The following ASPH variants were observed in gnomAD, a reference collection of about 807,000 sequenced individuals.
The protein encoded by ASPH is aspartate beta-hydroxylase.
Under a neutral mutation model 118.4 loss-of-function variants are expected in ASPH, and 100 were observed. The ratio of observed to expected loss-of-function variants is 0.84; its 90% CI spans 0.72 to 1.00. The LOEUF is 1.00. ASPH is among the 50% of genes least tolerant of loss of function. The probability of loss-of-function intolerance (pLI) is 0.00; values close to 1 mark genes in which losing one functional copy is unlikely to be tolerated. For synonymous variants in ASPH, 315 were observed against 325.6 expected (o/e 0.97, Z 0.35); for missense variants, 920 against 919.5 (o/e 1.00, Z -0.01).
chr8:61,646,997 G>T, intron 5 of ASPH, 119 bp from the exon 6 acceptor site: 2 of 1,319,176 alleles, frequency 1.5e-6, no homozygotes, highest in East Asian at 2.3e-5. Flanking sequence ...CCTTTCGGCC[G>T]CTGAAGACAC....
intron 24 of ASPH, among the ~76,000 whole-genome samples, chr8:61,510,598 C>T (rs1808457595): frequency 6.6e-6 from 1 of 152,150 alleles, no homozygotes; most frequent in East Asian, 1.9e-4. Context: ...TGGGAAATGC[C>T]ATTCCCTGTG....
At chr8:61,672,675 G>A (rs1485338020) in intron 3 of ASPH, among the ~76,000 whole-genome samples, 1 of 152,124 alleles carries the variant, frequency 6.6e-6, no homozygotes, top group Non-Finnish European at 1.5e-5. Context: ...CGAAGATCTG[G>A]TTCCTAGTTT....
Position 61,548,063 on chromosome 8 carries a change from A to G in ASPH, c.1764+8T>C, listed in dbSNP as rs2130883967. On this transcript the variant is annotated splice_region_variant and intron_variant, in intron 21 of 24. Transcript: ENST00000379454. ...ATCTGGTGAGGATGATGTCTAAGTTATACTTACCTTTACTAACTCTGTGTA... is the reference window on the plus strand; with the variant it reads ...ATCTGGTGAGGATGATGTCTAAGTTGTACTTACCTTTACTAACTCTGTGTA... 6.2e-7 allele frequency: 1 copy of G among 1,612,174 alleles called. No homozygotes were observed. The highest frequency in any genetic ancestry group is 2.2e-5 in the East Asian group (1 of 44,756).
At chr8:61,567,130 T>A in intron 17 of ASPH, 38 bp downstream of exon 17, 3 of 1,604,216 alleles carry the variant, frequency 1.9e-6, no homozygotes, top group Non-Finnish European at 2.6e-6. Flanking sequence ...ATAAAACATA[T>A]GCCATTTCCT....
At chr8:61,661,882 C>A in intron 3 of ASPH, 1 of 442,808 alleles carries the variant, frequency 2.3e-6, no homozygotes, top group Non-Finnish European at 4.0e-6. Context: ...ATCAGTCTCT[C>A]ATTGTGAAAT....
intron 16 of ASPH, among the ~76,000 whole-genome samples, chr8:61,576,363 AC>A (rs1291959202): frequency 6.6e-6 from 1 of 152,208 alleles, no homozygotes; most frequent in Non-Finnish European, 1.5e-5. Context: ...AACTATAGAG[AC>A]ATCAAAGTAT....
At chr8:61,561,398 A>G (rs1354177771) in intron 18 of ASPH, among the ~76,000 whole-genome samples, 1 of 152,210 alleles carries the variant, frequency 6.6e-6, no homozygotes, top group African/African-American at 2.4e-5. Context: ...TGTCAACATT[A>G]AAGGTTCAAT....
intron 24 of ASPH, among the ~76,000 whole-genome samples, chr8:61,512,590 T>A (rs1406108503): frequency 3.3e-5 from 5 of 152,228 alleles, no homozygotes; most frequent in African/African-American, 1.2e-4. Flanking sequence ...TGTAAGTCAT[T>A]CAGTTTGTGA....
At chr8:61,541,926 CAA>C (rs761417757) in intron 21 of ASPH, among the ~76,000 whole-genome samples, 2 of 152,132 alleles carry the variant, frequency 1.3e-5, no homozygotes, top group African/African-American at 2.4e-5. Flanking sequence ...GAAAAGGACA[CAA>C]GATATATAAG....
chr8:61,624,240 AAG>A (rs1305544801), intron 13 of ASPH: 6 of 985,290 alleles, frequency 6.1e-6, no homozygotes, highest in African/African-American at 3.5e-5. Flanking sequence ...TTGGGGAAAA[AAG>A]GTGGAGCAGG....
At chr8:61,582,010 T>G (rs1025297979) in intron 15 of ASPH, among the ~76,000 whole-genome samples, 2 of 152,176 alleles carry the variant, frequency 1.3e-5, no homozygotes, top group Non-Finnish European at 2.9e-5. Context: ...ACTGGCTCTG[T>G]GTGGAGTGTG....
intron 12 of ASPH, among the ~76,000 whole-genome samples, chr8:61,635,133 T>A (rs1857179082): frequency 6.6e-6 from 1 of 152,134 alleles, no homozygotes; most frequent in African/African-American, 2.4e-5. Flanking sequence ...TCACTCACAA[T>A]CTCTACGTGG....
rs562383326 is a variant in ASPH at position 61,535,917 on chromosome 8, T to C, written c.1765-9805A>G. On this transcript the variant is annotated intron_variant, in intron 21 of 24. Coordinates refer to ENST00000379454, the MANE Select transcript of ASPH (RefSeq NM_004318.4). ...CAGCAAATTCTCTTTGCAATACTTC[T>C]AACAACACCGCTAAGGAAATTACTA... 1.0e-3 allele frequency among the ~76,000 whole-genome samples: 157 copies of C among 152,134 alleles called. 2 individuals are homozygous for C. Among genetic ancestry groups the C allele is most frequent in the African/African-American group, 3.4e-3 (142 of 41,450 alleles).
intron 14 of ASPH, among the ~76,000 whole-genome samples, chr8:61,599,209 G>T (rs1203097462): frequency 6.6e-6 from 1 of 152,030 alleles, no homozygotes; most frequent in African/African-American, 2.4e-5. Flanking sequence ...TGAAAAGTTG[G>T]TTTTTCAAGG....
At position 61,537,881 on chromosome 8, in the gene ASPH, G is replaced by GA. The variant is rs199911796; in HGVS notation, c.1764+10189dup. On this transcript the variant is annotated intron_variant, in intron 21 of 24. Coordinates refer to ENST00000379454, the MANE Select transcript of ASPH (RefSeq NM_004318.4). ...TAAAAACTCACTGATTTTGCTTTCAGAAAAAAAAAGCCTCTTTGTATGAAA... is the reference window on the plus strand; with the variant it reads ...TAAAAACTCACTGATTTTGCTTTCAGAAAAAAAAAAGCCTCTTTGTATGAAA... 7.4e-3 allele frequency among the ~76,000 whole-genome samples: 1,111 copies of GA among 149,150 alleles called. 9 individuals carry two copies. The highest frequency in any genetic ancestry group is 0.025 in the African/African-American group (1,018 of 40,728).
chr8:61,541,702 T>G (rs1050681534), intron 21 of ASPH, among the ~76,000 whole-genome samples: 1 of 152,116 alleles, frequency 6.6e-6, no homozygotes, highest in African/African-American at 2.4e-5. Context: ...TAAATTAACA[T>G]TCCTGCAAAT....
At chr8:61,517,978 C>T (rs377366223) in intron 23 of ASPH, 54 bp downstream of exon 23, 72 of 1,510,538 alleles carry the variant, frequency 4.8e-5, no homozygotes, top group Middle Eastern at 1.7e-4. Flanking sequence ...AAGGTCAACA[C>T]GCCCTTATTC....
rs529371268 is a variant in ASPH at position 61,642,798 on chromosome 8, T to C, written c.790+90A>G. The C allele has an allele frequency of 4.2e-5, 50 of 1,177,154 alleles. No homozygotes were observed. In the East Asian group the frequency reaches 9.6e-4, roughly 23 times the overall value. The allele number at this position is 1,177,154 out of a possible 1,614,324, so 72.9% of individuals were successfully genotyped here. Reference sequence around the variant, plus strand: ...AGGCGGAGGTTGTAGTGGGCCAAGATTGTGCCACTGCACTGCAGCCTGGGC... The same window carrying C: ...AGGCGGAGGTTGTAGTGGGCCAAGACTGTGCCACTGCACTGCAGCCTGGGC... On this transcript the variant is annotated intron_variant, in intron 10 of 24. Transcript: ENST00000379454.
chr8:61,525,583 C>T (rs1815009443), intron 22 of ASPH, among the ~76,000 whole-genome samples: 1 of 152,178 alleles, frequency 6.6e-6, no homozygotes, highest in South Asian at 2.1e-4. Context: ...ACGTCACCTC[C>T]ATTTTATAGG....
Sources: gnomAD v4.1 joint callset for allele counts (sites outside exome capture counted in the v4.1 genomes callset) on GRCh38, gnomAD v4.1.1 for gene constraint, MANE v1.5 for transcripts, NCBI Gene and HGNC (gene_info 2026-07-23, HGNC 2026-07-21) for gene names.